TDRP: variants seen among roughly 807,000 people sequenced by gnomAD.
TDRP encodes testis development-related protein.
TDRP carries 12 observed loss-of-function variants against 10.5 expected under a neutral mutation model. The observed-to-expected ratio is 1.15, with a 90% CI of 0.73 to 1.86. The LOEUF is 1.86. Among genes scored for constraint, TDRP ranks in the 40% most tolerant of loss-of-function variants. The pLI is 0.00. For synonymous variants in TDRP, 139 were observed against 95.4 expected (o/e 1.46, Z -2.67); for missense variants, 353 against 229.2 (o/e 1.54, Z -3.49).
intron 1 of TDRP, among the ~76,000 whole-genome samples, chr8:523,949 G>T (rs550867522): frequency 6.6e-6 from 1 of 152,184 alleles, no homozygotes. Flanking sequence ...GGCCTTTAGC[G>T]AACAAAAGTG....
At chr8:537,673 C>G (rs1802383328) in intron 1 of TDRP, among the ~76,000 whole-genome samples, 1 of 152,132 alleles carries the variant, frequency 6.6e-6, no homozygotes, top group South Asian at 2.1e-4. Flanking sequence ...AATTATGACT[C>G]CTTTAAAGTC....
At chr8:525,304 A>G (rs1393913630) in intron 1 of TDRP, among the ~76,000 whole-genome samples, 1 of 151,738 alleles carries the variant, frequency 6.6e-6, no homozygotes, top group African/African-American at 2.4e-5. Context: ...CCTACAAGAA[A>G]TGTTAAAGGG....
At chr8:506,470 C>G (rs1192701948) in intron 1 of TDRP, among the ~76,000 whole-genome samples, 2 of 152,158 alleles carry the variant, frequency 1.3e-5, no homozygotes, top group African/African-American at 4.8e-5. Flanking sequence ...TGACACTAAG[C>G]CGCAGCTGAA....
intron 1 of TDRP, among the ~76,000 whole-genome samples, chr8:521,681 T>G (rs1009788772): frequency 6.6e-6 from 1 of 152,182 alleles, no homozygotes; most frequent in African/African-American, 2.4e-5. Context: ...TTCCAGTTTT[T>G]GTTTTTGTTT....
At chr8:520,650 G>T (rs557516331) in intron 1 of TDRP, among the ~76,000 whole-genome samples, 1 of 152,298 alleles carries the variant, frequency 6.6e-6, no homozygotes, top group Admixed American at 6.5e-5. Context: ...TGGTTGTGAG[G>T]TGACATCTCA....
chr8:530,204 A>G (rs565128197), intron 1 of TDRP, among the ~76,000 whole-genome samples: 1 of 126,840 alleles, frequency 7.9e-6, no homozygotes, highest in East Asian at 2.2e-4. Flanking sequence ...CTTTTTTTAT[A>G]GTTCTGTCTT....
intron 1 of TDRP, among the ~76,000 whole-genome samples, chr8:517,356 G>T (rs999566099): frequency 1.3e-5 from 2 of 152,168 alleles, no homozygotes; most frequent in African/African-American, 4.8e-5. Flanking sequence ...TCCCTTCCCA[G>T]GTCTTTTCCT....
chr8:503,635 C>T (rs1166008428), intron 1 of TDRP, among the ~76,000 whole-genome samples: 1 of 140,364 alleles, frequency 7.1e-6, no homozygotes, highest in Non-Finnish European at 1.5e-5. Flanking sequence ...GAATCCAGAG[C>T]CACACACACT....
chr8:494,107 C>T (rs1260981858), intron 2 of TDRP, among the ~76,000 whole-genome samples: 1 of 149,752 alleles, frequency 6.7e-6, no homozygotes, highest in Non-Finnish European at 1.5e-5. Flanking sequence ...TAGGCACATG[C>T]CACCATGTCC....
intron 1 of TDRP, among the ~76,000 whole-genome samples, chr8:532,526 G>A (rs898439822): frequency 2.0e-5 from 3 of 152,144 alleles, no homozygotes; most frequent in Non-Finnish European, 4.4e-5. Context: ...GTATCATCTT[G>A]TTCATTTTAT....
intron 1 of TDRP, among the ~76,000 whole-genome samples, chr8:530,076 G>C (rs151246984): frequency 2.4e-4 from 36 of 151,038 alleles, no homozygotes; most frequent in African/African-American, 7.5e-4. Flanking sequence ...TTTCTGATTT[G>C]ATGAATTTAA....
At chr8:517,383 A>C (rs1801785194) in intron 1 of TDRP, among the ~76,000 whole-genome samples, 1 of 152,184 alleles carries the variant, frequency 6.6e-6, no homozygotes, top group Admixed American at 6.5e-5. Context: ...GGAGAGATTA[A>C]ACGAAGCATC....
intron 1 of TDRP, among the ~76,000 whole-genome samples, chr8:507,568 A>G (rs1272228305): frequency 1.3e-5 from 2 of 152,058 alleles, no homozygotes; most frequent in African/African-American, 4.8e-5. Context: ...AGCCTGCCAC[A>G]CCTCCATCAT....
chr8:496,892 C>T (rs1801152519), intron 1 of TDRP, among the ~76,000 whole-genome samples: 1 of 152,180 alleles, frequency 6.6e-6, no homozygotes, highest in Non-Finnish European at 1.5e-5. Flanking sequence ...TATCCTGCCG[C>T]CATGTAAGAC....
In TDRP at chr8:492,695, A is replaced by G. The variant is rs1040529401; in HGVS notation, c.262T>C (p.Phe88Leu). The change falls in exon 3 of 3, where the codon TTT (phenylalanine) becomes CTT (leucine). Residue 88 changes from phenylalanine to leucine, a missense_variant. Physicochemically the swap from Phe to Leu is conservative, Grantham distance 22. Transcript: ENST00000324079. Reference protein sequence around the residue: ...EELKAEKKSGFWDNLVLKQNI... With the variant: ...EELKAEKKSGLWDNLVLKQNI... ...TGTTTTAAAACCAAATTGTCCCAAA[A>G]TCCAGATTTCTTCTCTGCCTTCAAC... The G allele has an allele frequency of 2.5e-6, 4 of 1,613,906 alleles. No individual in the cohort carries two copies. Among genetic ancestry groups the G allele is most frequent in the Non-Finnish European group, 3.4e-6 (4 of 1,179,844 alleles).
intron 1 of TDRP, among the ~76,000 whole-genome samples, chr8:540,688 T>C (rs1802469128): frequency 6.6e-6 from 1 of 152,126 alleles, no homozygotes; most frequent in Non-Finnish European, 1.5e-5. Context: ...TCAGAGAAGT[T>C]TATTTTCTAA....
intron 1 of TDRP, among the ~76,000 whole-genome samples, chr8:507,878 T>C (rs1801508388): frequency 6.6e-6 from 1 of 152,194 alleles, no homozygotes; most frequent in Non-Finnish European, 1.5e-5. Context: ...AGTTTACCTA[T>C]ATAACAAACT....
chr8:491,335 G>T lies in TDRP; in HGVS notation c.*1064C>A. Reference sequence around the variant, plus strand: ...AACCACTTTTATCTAAGAGATATCTGCAGGACTTGCTGATAAGAGCCAACC... The same window carrying T: ...AACCACTTTTATCTAAGAGATATCTTCAGGACTTGCTGATAAGAGCCAACC... On this transcript the variant is annotated 3_prime_UTR_variant, in exon 3 of 3. Coordinates refer to ENST00000324079, the MANE Select transcript of TDRP (RefSeq NM_001384899.1). 1 of 344,314 alleles carries T rather than the reference G, an allele frequency of 2.9e-6. No individual in the cohort carries two copies. Among genetic ancestry groups the T allele is most frequent in the Admixed American group, 4.8e-5 (1 of 21,032 alleles). The allele number at this position is 344,314 out of a possible 1,614,324, so 21.3% of individuals were successfully genotyped here. A position where few individuals can be genotyped will look rare whatever the true frequency, so the allele number is the denominator to read the frequency against.
At chr8:516,243 A>G (rs13257823) in intron 1 of TDRP, among the ~76,000 whole-genome samples, 105,411 of 151,536 alleles carry the variant, frequency 0.7, 36,964 homozygotes, top group African/African-American at 0.74. Flanking sequence ...AATCTCCCCC[A>G]AGTGAGCTAC....
Sources: allele counts gnomAD v4.1 joint callset (sites outside exome capture counted in the v4.1 genomes callset), GRCh38; gene constraint gnomAD v4.1.1; transcripts MANE v1.5; gene names NCBI Gene and HGNC (gene_info 2026-07-23, HGNC 2026-07-21).